MYH16: variants seen among roughly 807,000 people sequenced by gnomAD.
The protein encoded by MYH16 is myosin heavy chain 16, also known as putative uncharacterized protein MYH16.
intron 2 of MYH16, among the ~76,000 whole-genome samples, chr7:99,246,145 G>A (rs1033794188): frequency 8.6e-5 from 13 of 150,922 alleles, no homozygotes; most frequent in Admixed American, 2.6e-4. Context: ...GTTCAAGGCT[G>A]CAGTGAGCTA....
chr7:99,289,751 G>A (rs1792341878), intron 30 of MYH16, among the ~76,000 whole-genome samples: 3 of 152,154 alleles, frequency 2.0e-5, no homozygotes. Flanking sequence ...CCTTAATGAG[G>A]GAGCCAGAAA....
chr7:99,274,001 C>A (rs1279439964), intron 20 of MYH16, among the ~76,000 whole-genome samples: 1 of 152,208 alleles, frequency 6.6e-6, no homozygotes, highest in African/African-American at 2.4e-5. Context: ...GAGCGCCATA[C>A]CACCCCCACC....
exon 3 of MYH16, chr7:99,247,651 G>A (rs1157463738): frequency 2.6e-5 from 5 of 189,658 alleles, no homozygotes; most frequent in Middle Eastern, 1.3e-3. Flanking sequence ...GCCCATCTAC[G>A]GGGCCCGTGT....
chr7:99,310,017 C>A (rs1455690081), downstream of MYH16, among the ~76,000 whole-genome samples: 1 of 150,224 alleles, frequency 6.7e-6, no homozygotes, highest in Non-Finnish European at 1.5e-5. Context: ...GAGTCCGTCT[C>A]CAGAAAAATA....
At chr7:99,265,732 T>C (rs115196385) in intron 17 of MYH16, 2,126 of 152,964 alleles carry the variant, frequency 0.014, 51 homozygotes, top group African/African-American at 0.049. Context: ...GCCCAGGAGT[T>C]GACCAGCTGA....
At chr7:99,307,127 T>C (rs1303742180), downstream of MYH16, among the ~76,000 whole-genome samples, 3 of 152,184 alleles carry the variant, frequency 2.0e-5, no homozygotes, top group Non-Finnish European at 2.9e-5. Flanking sequence ...GGTTCCCAAG[T>C]GTGATGCCAC....
intron 31 of MYH16, among the ~76,000 whole-genome samples, 167 bp downstream of exon 12, chr7:99,291,617 A>ACCCCC (rs34446113): frequency 1.1e-4 from 12 of 105,994 alleles, no homozygotes; most frequent in African/African-American, 3.8e-4. Flanking sequence ...ACACAGCAAG[A>ACCCCC]CCCCCCCCCA....
chr7:99,282,173 C>T (rs762921991), intron 23 of MYH16, among the ~76,000 whole-genome samples: 4 of 142,794 alleles, frequency 2.8e-5, no homozygotes, highest in Non-Finnish European at 5.9e-5. Flanking sequence ...CAGGTGCCTG[C>T]CACCACACCC....
intron 23 of MYH16, among the ~76,000 whole-genome samples, chr7:99,283,321 A>T (rs1177232113): frequency 2.6e-5 from 4 of 152,202 alleles, no homozygotes; most frequent in Non-Finnish European, 1.5e-5. Context: ...TGGTACGATC[A>T]TAGCTCACTG....
exon 12 of MYH16, chr7:99,260,275 G>T (rs142091146): frequency 3.2e-6 from 5 of 1,582,528 alleles, no homozygotes; most frequent in Non-Finnish European, 4.3e-6. Flanking sequence ...GGAAGGCATC[G>T]AGTGGGTCTT....
intron 17 of MYH16, among the ~76,000 whole-genome samples, chr7:99,265,893 T>C (rs917538466): frequency 2.0e-5 from 3 of 152,190 alleles, no homozygotes; most frequent in Admixed American, 6.5e-5. Flanking sequence ...AAATTTCAAC[T>C]GCCAGCCCCT....
At chr7:99,259,335 C>T (rs1481368574) in intron 11 of MYH16, among the ~76,000 whole-genome samples, 7 of 152,122 alleles carry the variant, frequency 4.6e-5, no homozygotes, top group Admixed American at 2.0e-4. Context: ...AGGCTGGGGC[C>T]GCATGCAGTG....
chr7:99,283,821 C>T, intron 24 of MYH16, 52 bp from the exon 7 acceptor site: 1 of 439,172 alleles, frequency 2.3e-6, no homozygotes, highest in Non-Finnish European at 4.6e-6. Flanking sequence ...TTCTTGCCTT[C>T]TGACCTCAGA....
intron 33 of MYH16, among the ~76,000 whole-genome samples, chr7:99,296,418 C>T (rs1049175808): frequency 1.3e-5 from 2 of 151,724 alleles, no homozygotes; most frequent in African/African-American, 2.4e-5. Flanking sequence ...GTGGCCCAAA[C>T]TCCTCATTTT....
rs555829252 is a variant in MYH16 at position 99,287,972 on chromosome 7, G to A, written n.3541G>A. ...AAGAGGCCGCCCTGCAGAGCGAGGCGACGGCCTCCACACTGCGCAAGAAGC... is the reference window on the plus strand; with the variant it reads ...AAGAGGCCGCCCTGCAGAGCGAGGCAACGGCCTCCACACTGCGCAAGAAGC... On this transcript the variant is annotated non_coding_transcript_exon_variant, in exon 29 of 42. Coordinates refer to ENST00000439784, the Ensembl canonical transcript of MYH16. 2.4e-3 allele frequency: 1,105 copies of A among 456,746 alleles called. 4 individuals are homozygous for A. The highest frequency in any genetic ancestry group is 3.6e-3 in the Non-Finnish European group (820 of 226,958). 28.3% of individuals were successfully genotyped at this position (456,746 alleles called of 1,614,324 possible).
chr7:99,242,021 C>A (rs1791673327), intron 1 of MYH16, among the ~76,000 whole-genome samples: 1 of 152,098 alleles, frequency 6.6e-6, no homozygotes, highest in African/African-American at 2.4e-5. Flanking sequence ...CTACCACGCC[C>A]AGCTAATTTT....
In MYH16 at chr7:99,241,925, A is replaced by T. The variant is rs149260156; in HGVS notation, n.211-1353A>T. Among the ~76,000 whole-genome samples the T allele has an allele frequency of 9.2e-3, 1,393 of 150,600 alleles. 19 individuals are homozygous for T. Among genetic ancestry groups the T allele is most frequent in the African/African-American group, 0.033 (1,338 of 40,984 alleles). On this transcript the variant is annotated intron_variant and non_coding_transcript_variant, in intron 1 of 41. Coordinates refer to ENST00000439784, the Ensembl canonical transcript of MYH16. ...ACCCAGGCTGGAGTGCAGCGGCATGATCTCCGCTCACTGCAACCCCCGCCC... is the reference window on the plus strand; with the variant it reads ...ACCCAGGCTGGAGTGCAGCGGCATGTTCTCCGCTCACTGCAACCCCCGCCC...
At chr7:99,279,358 CA>C (rs35683727) in intron 21 of MYH16, among the ~76,000 whole-genome samples, 151 bp from the exon 4 acceptor site, 142 of 45,892 alleles carry the variant, frequency 3.1e-3, no homozygotes, top group South Asian at 9.3e-3. Flanking sequence ...AACCCTGACT[CA>C]AAAAAAAAAA....
chr7:99,259,894 T>C (rs759124600), intron 11 of MYH16, among the ~76,000 whole-genome samples: 40 of 151,256 alleles, frequency 2.6e-4, no homozygotes, highest in Non-Finnish European at 4.9e-4. Context: ...AGGGCTGAAG[T>C]CTGGTTGCCT....
Sources: allele counts gnomAD v4.1 joint callset (sites outside exome capture counted in the v4.1 genomes callset), GRCh38; gene constraint gnomAD v4.1.1; transcripts MANE v1.5; gene names NCBI Gene and HGNC (gene_info 2026-07-23, HGNC 2026-07-21).